Variants in PUM2 observed in about 807,000 individuals in gnomAD.
PUM2 encodes pumilio RNA binding family member 2.
Under a neutral mutation model 124.5 loss-of-function variants are expected in PUM2, and 57 were observed. That is an observed-to-expected ratio of 0.46 (90% CI 0.37 to 0.57). PUM2 has a LOEUF of 0.57. PUM2 is among the 20% of genes least tolerant of loss of function. PUM2 has a pLI of 0.00. For missense variants in PUM2, 1,065 were observed against 1,290.6 expected, an observed-to-expected ratio of 0.83 and a Z score of 2.68; for synonymous variants, 460 against 446.1, an observed-to-expected ratio of 1.03 and a Z score of -0.39.
At chr2:20,290,141 T>C (rs1420266863) in intron 10 of PUM2, among the ~76,000 whole-genome samples, 2 of 152,232 alleles carry the variant, frequency 1.3e-5, no homozygotes, top group Non-Finnish European at 2.9e-5. Context: ...TAATTTTTTA[T>C]ACTAGGCTTT....
chr2:20,339,152 T>A (rs1489205063), intron 1 of PUM2, among the ~76,000 whole-genome samples: 1 of 152,090 alleles, frequency 6.6e-6, no homozygotes, highest in African/African-American at 2.4e-5. Context: ...CTACAATGTA[T>A]GAGCAAGACT....
chr2:20,338,105 C>T (rs1307514668), intron 1 of PUM2, among the ~76,000 whole-genome samples: 2 of 152,122 alleles, frequency 1.3e-5, no homozygotes, highest in Non-Finnish European at 2.9e-5. Context: ...ATGCCAATTA[C>T]GCTACTCTCT....
At chr2:20,334,956 G>GT (rs942671791) in intron 1 of PUM2, among the ~76,000 whole-genome samples, 66 of 151,006 alleles carry the variant, frequency 4.4e-4, no homozygotes, top group South Asian at 1.1e-3. Flanking sequence ...GGACTGTTTT[G>GT]TTTTTTTTTG....
At chr2:20,350,421 C>G in intron 1 of PUM2, 176 bp downstream of exon 1, 2 of 932,110 alleles carry the variant, frequency 2.1e-6, no homozygotes, top group Non-Finnish European at 2.6e-6. Context: ...CCTTCCGGCA[C>G]CCCTCCCCCT....
chr2:20,307,904 C>T, intron 7 of PUM2, 74 bp downstream of exon 7: 2 of 1,541,354 alleles, frequency 1.3e-6, no homozygotes, highest in Non-Finnish European at 1.8e-6. Flanking sequence ...CCTCACCAAT[C>T]AGTAAACGAA....
rs138704957 is a variant in PUM2 at position 20,311,710 on chromosome 2, A to C, written c.349-47T>G. On this transcript the variant is annotated intron_variant, in intron 4 of 20. Coordinates refer to ENST00000361078, the MANE Select transcript of PUM2 (RefSeq NM_015317.5). ...GATTCTGAATATTTAATAGAACACA[A>C]AAAAAAGGCACCATAAGGTGACCTA... The C allele has an allele frequency of 1.8e-4, 290 of 1,568,594 alleles. 1 individual carries two copies. In the African/African-American group the frequency reaches 3.6e-3, roughly 19 times the overall value.
At chr2:20,317,944 G>T (rs1196777916) in intron 3 of PUM2, among the ~76,000 whole-genome samples, 1 of 152,030 alleles carries the variant, frequency 6.6e-6, no homozygotes, top group Non-Finnish European at 1.5e-5. Context: ...TAGTATTGAT[G>T]GGCATTTAGG....
At chr2:20,299,540 T>C (rs111575366) in intron 7 of PUM2, among the ~76,000 whole-genome samples, 12,181 of 152,044 alleles carry the variant, frequency 0.08, 522 homozygotes, top group African/African-American at 0.09. Context: ...TGGTAGCACA[T>C]GCCTGTAATC....
intron 3 of PUM2, among the ~76,000 whole-genome samples, chr2:20,312,883 GGAACA>G (rs1679970157): frequency 6.6e-6 from 1 of 152,076 alleles, no homozygotes. Flanking sequence ...ATAGATCAAC[GGAACA>G]GAACAGAGGC....
At chr2:20,330,028 C>T (rs1684572733) in intron 1 of PUM2, among the ~76,000 whole-genome samples, 1 of 151,638 alleles carries the variant, frequency 6.6e-6, no homozygotes, top group Non-Finnish European at 1.5e-5. Context: ...TCCACACTTA[C>T]AGTCATTATA....
At chr2:20,260,655 G>C (rs1367528973) in intron 14 of PUM2, among the ~76,000 whole-genome samples, 189 bp from the exon 15 acceptor site, 3 of 152,078 alleles carry the variant, frequency 2.0e-5, no homozygotes, top group Admixed American at 1.3e-4. Context: ...CTTATCTAAA[G>C]ATAGAGTGAC....
chr2:20,278,693 G>GA lies in PUM2; in HGVS notation c.1846dup (p.Ser616PhefsTer44). The stretch of plus-strand genomic sequence containing the variant: ...CATGCCTATTGGACTTGGAGAGGAG[G>GA]AAAATCCCAGACTATTGTAAAATGG... On this transcript the variant is annotated frameshift_variant, in exon 13 of 21. Coordinates refer to ENST00000361078, the MANE Select transcript of PUM2 (RefSeq NM_015317.5). LOFTEE classifies it high-confidence loss of function. 6.2e-7 allele frequency: 1 copy of GA among 1,613,478 alleles called. No homozygotes were observed. The highest frequency in any genetic ancestry group is 8.5e-7 in the Non-Finnish European group (1 of 1,179,654).
At chr2:20,269,924 T>C (rs917267976) in intron 13 of PUM2, among the ~76,000 whole-genome samples, 1 of 152,174 alleles carries the variant, frequency 6.6e-6, no homozygotes, top group Non-Finnish European at 1.5e-5. Context: ...AGTAATAACA[T>C]ACTTAGTTAA....
chr2:20,303,686 T>C (rs1471910927), intron 7 of PUM2, among the ~76,000 whole-genome samples: 1 of 152,198 alleles, frequency 6.6e-6, no homozygotes, highest in East Asian at 1.9e-4. Context: ...ATTTCCCATG[T>C]CTTGATTACC....
intron 5 of PUM2, among the ~76,000 whole-genome samples, chr2:20,310,729 T>G (rs10165087): frequency 0.035 from 5,272 of 152,018 alleles, 90 homozygotes; most frequent in Middle Eastern, 0.068. Context: ...TTATGTAAGA[T>G]TCCATGGTCA....
At chr2:20,351,324 C>A (rs1689319232), upstream of PUM2, among the ~76,000 whole-genome samples, 1 of 152,208 alleles carries the variant, frequency 6.6e-6, no homozygotes, top group Admixed American at 6.5e-5. Context: ...CTTTAACTTT[C>A]ACTCTGTACC....
At chr2:20,288,904 C>A (rs1170889405) in intron 10 of PUM2, among the ~76,000 whole-genome samples, 2 of 152,134 alleles carry the variant, frequency 1.3e-5, no homozygotes, top group African/African-American at 4.8e-5. Flanking sequence ...AAATACAAAT[C>A]CTAGTAAGGC....
chr2:20,274,411 A>G (rs959179398), intron 13 of PUM2, among the ~76,000 whole-genome samples: 23 of 152,180 alleles, frequency 1.5e-4, no homozygotes, highest in Non-Finnish European at 1.5e-5. Context: ...ATATTTTATC[A>G]TAAGAGAAGC....
At chr2:20,344,079 A>AT (rs1687749687) in intron 1 of PUM2, among the ~76,000 whole-genome samples, 2 of 152,082 alleles carry the variant, frequency 1.3e-5, no homozygotes, top group Non-Finnish European at 2.9e-5. Flanking sequence ...ACTTTATTTT[A>AT]TTTTTTGAGA....
Sources: allele counts gnomAD v4.1 joint callset (sites outside exome capture counted in the v4.1 genomes callset), GRCh38; gene constraint gnomAD v4.1.1; transcripts MANE v1.5; gene names NCBI Gene and HGNC (gene_info 2026-07-23, HGNC 2026-07-21).